Variants in ASAP1 observed in about 807,000 individuals in gnomAD.
ASAP1 encodes ArfGAP with SH3 domain, ankyrin repeat and PH domain 1.
In ASAP1, 43 loss-of-function variants were observed where a neutral mutation model predicts 145.2. The ratio of observed to expected loss-of-function variants is 0.30; its 90% CI spans 0.23 to 0.38. ASAP1 has a LOEUF of 0.38. Ranked by LOEUF, ASAP1 falls within the 10% of genes least tolerant of loss-of-function variation. ASAP1 has a pLI of 1.00. For missense variants in ASAP1, 1,018 were observed against 1,355.3 expected (o/e 0.75, Z 3.91); for synonymous variants, 546 against 515.5 (o/e 1.06, Z -0.80).
chr8:130,190,878 T>G (rs1815089338), intron 5 of ASAP1, among the ~76,000 whole-genome samples: 1 of 152,152 alleles, frequency 6.6e-6, no homozygotes, highest in African/African-American at 2.4e-5. Flanking sequence ...TAGTATAATT[T>G]GAAGTCAGGT....
intron 13 of ASAP1, among the ~76,000 whole-genome samples, chr8:130,146,462 A>G (rs1279409264): frequency 6.6e-6 from 1 of 152,144 alleles, no homozygotes; most frequent in African/African-American, 2.4e-5. Flanking sequence ...GCCCTCTTAC[A>G]ACTGACAGTG....
At chr8:130,217,489 A>G (rs951885864) in intron 4 of ASAP1, among the ~76,000 whole-genome samples, 8 of 151,652 alleles carry the variant, frequency 5.3e-5, no homozygotes, top group Non-Finnish European at 8.8e-5. Context: ...ACACACGTAT[A>G]TATGTATATT....
chr8:130,097,747 C>A (rs2097521630), intron 24 of ASAP1, among the ~76,000 whole-genome samples: 1 of 93,138 alleles, frequency 1.1e-5, no homozygotes, highest in Non-Finnish European at 2.3e-5. Context: ...CAAAAAGTGG[C>A]AGCGATCTCC....
At chr8:130,289,015 T>C (rs999114225) in intron 3 of ASAP1, among the ~76,000 whole-genome samples, 5 of 152,020 alleles carry the variant, frequency 3.3e-5, no homozygotes, top group Admixed American at 1.3e-4. Flanking sequence ...TGAAACCTTG[T>C]CTCTACTAAA....
intron 2 of ASAP1, among the ~76,000 whole-genome samples, chr8:130,374,498 T>G (rs1827386410): frequency 6.6e-6 from 1 of 152,238 alleles, no homozygotes; most frequent in African/African-American, 2.4e-5. Context: ...GGCGCACGCC[T>G]GTAATCCCAG....
intron 9 of ASAP1, among the ~76,000 whole-genome samples, chr8:130,177,931 G>A (rs1489141572): frequency 6.6e-6 from 1 of 152,124 alleles, no homozygotes; most frequent in African/African-American, 2.4e-5. Flanking sequence ...CTACAGAATC[G>A]TAACCCAGCT....
In ASAP1 at chr8:130,124,272, G is replaced by A. The variant is rs560610019; in HGVS notation, c.1516-168C>T. Among the ~76,000 whole-genome samples, 17 of 152,260 alleles carry A rather than the reference G, an allele frequency of 1.1e-4. No homozygotes were observed. The South Asian group carries it at 3.1e-3, about 28-fold the overall frequency. On this transcript the variant is annotated intron_variant, in intron 17 of 29. Coordinates refer to ENST00000518721, the MANE Select transcript of ASAP1 (RefSeq NM_018482.4). ...CAAATATTTACTGAGCATCTACTACGTGCCAAGCACCAAACTAAGTGCTGG... is the reference window on the plus strand; with the variant it reads ...CAAATATTTACTGAGCATCTACTACATGCCAAGCACCAAACTAAGTGCTGG...
intron 3 of ASAP1, among the ~76,000 whole-genome samples, chr8:130,283,104 T>A (rs1362437336): frequency 6.6e-6 from 1 of 152,140 alleles, no homozygotes; most frequent in African/African-American, 2.4e-5. Context: ...AAAACCTTCA[T>A]GGGATGGATT....
At chr8:130,222,880 G>A (rs1456504001) in intron 4 of ASAP1, among the ~76,000 whole-genome samples, 1 of 152,142 alleles carries the variant, frequency 6.6e-6, no homozygotes, top group Non-Finnish European at 1.5e-5. Context: ...CCTAACTAGT[G>A]TACTTGGTAA....
chr8:130,428,187 G>A (rs1412465690), intron 1 of ASAP1, among the ~76,000 whole-genome samples: 1 of 151,992 alleles, frequency 6.6e-6, no homozygotes, highest in Non-Finnish European at 1.5e-5. Context: ...TCCCTCTTCA[G>A]TGTCCATCTC....
intron 9 of ASAP1, among the ~76,000 whole-genome samples, chr8:130,177,021 C>T (rs543810066): frequency 1.7e-4 from 26 of 152,202 alleles, no homozygotes; most frequent in Non-Finnish European, 3.1e-4. Flanking sequence ...CCATGGTACC[C>T]GTCACTGTCC....
In ASAP1 at chr8:130,358,254, C is replaced by G; in HGVS notation, c.60-111G>C. 1.2e-6 allele frequency: 1 copy of G among 826,366 alleles called. No homozygotes were observed. The highest frequency in any genetic ancestry group is 1.5e-6 in the Non-Finnish European group (1 of 656,240). 51.2% of individuals were successfully genotyped at this position (826,366 alleles called of 1,614,324 possible). Reference sequence around the variant, plus strand: ...GAACCCCGGCGCGCAGCCCGCCACCCGCCGCCCGGCCTGGCGCGCGGCTCC... The same window carrying G: ...GAACCCCGGCGCGCAGCCCGCCACCGGCCGCCCGGCCTGGCGCGCGGCTCC... On this transcript the variant is annotated intron_variant, in intron 2 of 29. Coordinates refer to ENST00000518721, the MANE Select transcript of ASAP1 (RefSeq NM_018482.4). The surrounding 1 kb of genome is among the most constrained non-coding windows in gnomAD (Gnocchi z 4.1).
rs767591128 is a variant in ASAP1 at position 130,137,052 on chromosome 8, G to GA, written c.1081-15dup. On this transcript the variant is annotated splice_polypyrimidine_tract_variant and intron_variant, in intron 13 of 29. Transcript: ENST00000518721. ...TTGCCTGTTAGACTGGAAAAAAAGA[G>GA]AAAATGGAGAAGTTACATGCAGCTC... is the stretch of plus-strand genomic sequence containing the variant. 6.2e-6 allele frequency: 10 copies of GA among 1,609,714 alleles called. No homozygotes were observed. The highest frequency in any genetic ancestry group is 4.5e-5 in the East Asian group (2 of 44,880).
intron 2 of ASAP1, among the ~76,000 whole-genome samples, chr8:130,375,307 G>T (rs944787407): frequency 7.2e-5 from 11 of 152,208 alleles, no homozygotes; most frequent in Admixed American, 6.5e-4. Flanking sequence ...GGGCCATGGA[G>T]AGTGAGACCC....
At chr8:130,429,841 GCTGA>G (rs1441292585) in intron 1 of ASAP1, among the ~76,000 whole-genome samples, 2 of 152,152 alleles carry the variant, frequency 1.3e-5, no homozygotes. Flanking sequence ...TGTATACTTC[GCTGA>G]CTAATTCATG....
At chr8:130,205,890 T>C (rs372081525) in intron 5 of ASAP1, among the ~76,000 whole-genome samples, 66 of 152,268 alleles carry the variant, frequency 4.3e-4, no homozygotes, top group African/African-American at 1.4e-3. Flanking sequence ...ATTTTGGACC[T>C]GAATGAGATA....
intron 4 of ASAP1, among the ~76,000 whole-genome samples, chr8:130,234,857 C>T (rs1050310029): frequency 6.6e-6 from 1 of 152,158 alleles, no homozygotes; most frequent in Admixed American, 6.6e-5. Flanking sequence ...TCATTAAGCT[C>T]TTTATAAAAT....
intron 27 of ASAP1, 101 bp downstream of exon 27, chr8:130,076,247 T>C: frequency 1.3e-6 from 1 of 757,278 alleles, no homozygotes; most frequent in Middle Eastern, 2.5e-4. Flanking sequence ...GCTCTAGGCA[T>C]TTGGGATGGA....
intron 3 of ASAP1, among the ~76,000 whole-genome samples, chr8:130,268,407 A>C (rs1264565038): frequency 1.3e-5 from 2 of 151,712 alleles, no homozygotes; most frequent in African/African-American, 2.4e-5. Flanking sequence ...GAATCACTTG[A>C]GCCCAGGAGG....
Sources: gnomAD v4.1 joint callset for allele counts (sites outside exome capture counted in the v4.1 genomes callset) on GRCh38, gnomAD v4.1.1 for gene constraint, Gnocchi (gnomAD v3.1) non-coding constraint, MANE v1.5 for transcripts, NCBI Gene and HGNC (gene_info 2026-07-23, HGNC 2026-07-21) for gene names.